The following ZC3H13 variants were observed in gnomAD, a reference collection of about 807,000 sequenced individuals.
ZC3H13 encodes the protein zinc finger CCCH domain-containing protein 13.
A neutral mutation model predicts 204.1 loss-of-function variants in ZC3H13; 64 were observed. The ratio of observed to expected loss-of-function variants is 0.31; its 90% CI spans 0.26 to 0.39. The LOEUF (loss-of-function observed/expected upper bound fraction) is 0.39. ZC3H13 is among the 10% of genes least tolerant of loss of function. ZC3H13 has a pLI of 1.00. For missense variants in ZC3H13, 1,833 were observed against 2,082.7 expected, an observed-to-expected ratio of 0.88 and a Z score of 2.33; for synonymous variants, 667 against 693.7, an observed-to-expected ratio of 0.96 and a Z score of 0.60.
intron 9 of ZC3H13, among the ~76,000 whole-genome samples, chr13:45,986,051 T>C (rs959911535): frequency 2.6e-5 from 4 of 152,212 alleles, no homozygotes; most frequent in Non-Finnish European, 5.9e-5. Flanking sequence ...TCTCCTATCA[T>C]TGACGGCTTA....
intron 5 of ZC3H13, among the ~76,000 whole-genome samples, chr13:46,014,915 T>C (rs2041818829): frequency 6.6e-6 from 1 of 152,216 alleles, no homozygotes; most frequent in Non-Finnish European, 1.5e-5. Context: ...ATTTCATTAA[T>C]ATGATCATAC....
intron 5 of ZC3H13, 28 bp from the exon 6 acceptor site, chr13:46,011,582 G>A (rs761530264): frequency 2.5e-5 from 38 of 1,516,234 alleles, no homozygotes; most frequent in Non-Finnish European, 3.3e-5. Flanking sequence ...ATTACTGTTA[G>A]AAACTAGCAT....
intron 8 of ZC3H13, among the ~76,000 whole-genome samples, chr13:45,997,031 A>G (rs1252016021): frequency 6.6e-6 from 1 of 152,158 alleles, no homozygotes; most frequent in African/African-American, 2.4e-5. Context: ...CGGAAAGTTT[A>G]TTTTAAAAAA....
intron 9 of ZC3H13, among the ~76,000 whole-genome samples, chr13:45,987,127 C>T (rs1566213744): frequency 1.3e-5 from 2 of 152,134 alleles, no homozygotes; most frequent in Non-Finnish European, 2.9e-5. Flanking sequence ...CGTCTAGGTA[C>T]TGTATTTTCT....
At chr13:46,025,494 G>A (rs2042489213) in intron 4 of ZC3H13, among the ~76,000 whole-genome samples, 1 of 152,066 alleles carries the variant, frequency 6.6e-6, no homozygotes, top group Non-Finnish European at 1.5e-5. Context: ...TTTATTTGTA[G>A]AGACAGGGTC....
chr13:46,044,833 A>T, intron 3 of ZC3H13, 122 bp downstream of exon 3: 1 of 507,494 alleles, frequency 2.0e-6, no homozygotes, highest in Middle Eastern at 3.8e-4. Context: ...AATTACTGGT[A>T]AGACTACCAC....
chr13:45,984,339 T>C (rs1158391744), intron 10 of ZC3H13, among the ~76,000 whole-genome samples: 1 of 152,220 alleles, frequency 6.6e-6, no homozygotes, highest in Non-Finnish European at 1.5e-5. Context: ...TATATATCCT[T>C]TTATACATTC....
chr13:45,988,010 T>C (rs2039673054), intron 9 of ZC3H13, among the ~76,000 whole-genome samples: 1 of 152,190 alleles, frequency 6.6e-6, no homozygotes, highest in Non-Finnish European at 1.5e-5. Context: ...TTCTTTATTA[T>C]GACCTAGAAA....
chr13:45,997,548 C>T (rs1459903738), intron 8 of ZC3H13, among the ~76,000 whole-genome samples: 1 of 152,174 alleles, frequency 6.6e-6, no homozygotes, highest in Non-Finnish European at 1.5e-5. Context: ...GCACCTGATA[C>T]AGAACGTTGG....
chr13:46,042,053 T>C, intron 4 of ZC3H13, 111 bp downstream of exon 4: 2 of 800,588 alleles, frequency 2.5e-6, no homozygotes. Context: ...TAGAACATTA[T>C]AATGCCGTAT....
rs757214990 is a variant in ZC3H13, at chr13:45,967,748, T to C, written c.4077A>G (p.Arg1359=). ...RDKRRDLDRE[R]ERLISDSVER... ...CAACAGAATCAGAAATTAGTCTCTC[T>C]CTTTCCCTATCCAAGTCTCTCCTTT... The change falls in exon 15 of 19, where the codon AGA becomes AGG. Residue 1359 remains arginine, a synonymous_variant. Coordinates refer to ENST00000679008, the MANE Select transcript of ZC3H13 (RefSeq NM_001330564.2). The C allele has an allele frequency of 2.4e-5, 38 of 1,612,816 alleles. No individual in the cohort carries two copies. The highest frequency in any genetic ancestry group is 3.1e-5 in the Non-Finnish European group (37 of 1,179,424).
At chr13:46,048,404 T>C (rs1417848356) in intron 1 of ZC3H13, among the ~76,000 whole-genome samples, 1 of 151,638 alleles carries the variant, frequency 6.6e-6, no homozygotes, top group Non-Finnish European at 1.5e-5. Flanking sequence ...GGTGAAACCC[T>C]GTCTCTACTA....
chr13:46,008,515 G>A (rs2041313549), intron 7 of ZC3H13, among the ~76,000 whole-genome samples: 1 of 152,026 alleles, frequency 6.6e-6, no homozygotes, highest in African/African-American at 2.4e-5. Flanking sequence ...TTTATAATAG[G>A]ATGTGTTACT....
At chr13:46,003,529 T>C (rs1215425121) in intron 7 of ZC3H13, among the ~76,000 whole-genome samples, 193 bp from the exon 8 acceptor site, 1 of 152,206 alleles carries the variant, frequency 6.6e-6, no homozygotes, top group Non-Finnish European at 1.5e-5. Flanking sequence ...ACTTATTTTG[T>C]TAACACTGCT....
intron 17 of ZC3H13, chr13:45,962,405 G>A: frequency 1.0e-6 from 1 of 985,338 alleles, no homozygotes; most frequent in Non-Finnish European, 1.2e-6. Flanking sequence ...ACTAGCAAAA[G>A]GTCACAGAAA....
rs1378666127 is a variant in ZC3H13, at chr13:45,967,696, T to C, written c.4129A>G (p.Arg1377Gly). 3.1e-6 allele frequency: 5 copies of C among 1,614,078 alleles called. No individual in the cohort carries two copies. Among genetic ancestry groups the C allele is most frequent in the Non-Finnish European group, 3.4e-6 (4 of 1,179,992 alleles). The change falls in exon 15 of 19, where the codon AGA (arginine) becomes GGA (glycine). Residue 1377 changes from arginine (R) to glycine (G), a missense_variant. By Grantham distance (125) the Arg-to-Gly change is moderately radical. Coordinates refer to ENST00000679008, the MANE Select transcript of ZC3H13 (RefSeq NM_001330564.2). The stretch of plus-strand genomic sequence containing the variant: ...TCTATTTGAGAACTCTCAAAAGTTC[T>C]GTCTCTGTCTCTGTCCCTGTCCCTT... Reference protein sequence around the residue: ...VERDRDRDRDRTFESSQIESV... With the variant: ...VERDRDRDRDGTFESSQIESV...
intron 17 of ZC3H13, chr13:45,962,774 G>A (rs1403235141): frequency 6.1e-6 from 6 of 985,150 alleles, no homozygotes; most frequent in Admixed American, 6.2e-5. Flanking sequence ...GGGACATGAC[G>A]TAAAATTGTT....
intron 5 of ZC3H13, among the ~76,000 whole-genome samples, chr13:46,014,204 T>C (rs2041764021): frequency 6.6e-6 from 1 of 152,208 alleles, no homozygotes; most frequent in African/African-American, 2.4e-5. Context: ...CTGGGATACA[T>C]GTGCTGAATG....
intron 17 of ZC3H13, among the ~76,000 whole-genome samples, chr13:45,960,057 T>G (rs1411307507): frequency 6.6e-6 from 1 of 152,172 alleles, no homozygotes; most frequent in Non-Finnish European, 1.5e-5. Context: ...ATTCAAGCGA[T>G]TCTCCTGCCT....
Sources: allele counts gnomAD v4.1 joint callset (sites outside exome capture counted in the v4.1 genomes callset), GRCh38; gene constraint gnomAD v4.1.1; transcripts MANE v1.5; gene names NCBI Gene and HGNC (gene_info 2026-07-23, HGNC 2026-07-21).